PATJ: variants seen among roughly 807,000 people sequenced by gnomAD.
PATJ encodes PATJ crumbs cell polarity complex component.
PATJ carries 190 observed loss-of-function variants against 224.9 expected under a neutral mutation model. The observed-to-expected ratio is 0.84, with a 90% CI of 0.75 to 0.95. The LOEUF (loss-of-function observed/expected upper bound fraction) is 0.95, where lower values mean the gene tolerates loss of function less well. Among genes scored for constraint, PATJ ranks in the 40% least tolerant of loss-of-function variants. PATJ has a pLI of 0.00. For synonymous variants in PATJ, 769 were observed against 820.3 expected, an observed-to-expected ratio of 0.94 and a Z score of 1.07; for missense variants, 2,121 against 2,270.3, an observed-to-expected ratio of 0.93 and a Z score of 1.34.
chr1:62,144,776 A>AG (rs1558231355), intron 41 of PATJ, among the ~76,000 whole-genome samples: 2 of 95,710 alleles, frequency 2.1e-5, no homozygotes, highest in Non-Finnish European at 4.1e-5. Flanking sequence ...CAAAAAAAAA[A>AG]AATATATATA....
chr1:62,131,274 C>T (rs1258749690), intron 41 of PATJ, among the ~76,000 whole-genome samples: 2 of 152,144 alleles, frequency 1.3e-5, no homozygotes, highest in East Asian at 3.9e-4. Flanking sequence ...GCTGTGCTTG[C>T]TCATCCTTCA....
At chr1:61,899,207 A>G (rs1036885622) in intron 22 of PATJ, among the ~76,000 whole-genome samples, 27 of 152,218 alleles carry the variant, frequency 1.8e-4, no homozygotes, top group African/African-American at 6.0e-4. Context: ...TCTATGATAC[A>G]TGTTGATTTC....
intron 1 of PATJ, among the ~76,000 whole-genome samples, chr1:61,745,889 C>A (rs970088362): frequency 6.6e-6 from 1 of 151,668 alleles, no homozygotes; most frequent in African/African-American, 2.4e-5. Flanking sequence ...CAGGCGTGAA[C>A]CACCGGGCCT....
In PATJ at chr1:62,162,876, G is replaced by C. The variant is rs1669935020; in HGVS notation, c.*1822G>C. Reference sequence around the variant, plus strand: ...GCAGGAAAATTGCTTGAACCTGGGAGGTGGAGGTTGCAGTGAGCCAAGTTC... The same window carrying C: ...GCAGGAAAATTGCTTGAACCTGGGACGTGGAGGTTGCAGTGAGCCAAGTTC... On this transcript the variant is annotated 3_prime_UTR_variant, in exon 44 of 44. Transcript: ENST00000642238. 3.1e-6 allele frequency: 1 copy of C among 320,460 alleles called. No homozygotes were observed. The highest frequency in any genetic ancestry group is 2.3e-5 in the African/African-American group (1 of 43,952). The allele number at this position is 320,460 out of a possible 1,614,324, so 19.9% of individuals were successfully genotyped here. A position where few individuals can be genotyped will look rare whatever the true frequency, so the allele number is the denominator to read the frequency against.
Position 61,924,299 on chromosome 1 carries a change from CAG to C in PATJ, c.3571-3428_3571-3427del, listed in dbSNP as rs1210427642. Among the ~76,000 whole-genome samples the C allele has an allele frequency of 4.6e-5, 7 of 152,220 alleles. No homozygotes were observed. In the East Asian group the frequency reaches 1.4e-3, roughly 29 times the overall value. ...AGGAGAATTGCTTGAACCCGGGAGA[CAG>C]AGGTTACAGTGAGCTGAGATGGCAC... On this transcript the variant is annotated intron_variant, in intron 26 of 43. Coordinates refer to ENST00000642238, the MANE Select transcript of PATJ (RefSeq NM_001350145.3).
At chr1:62,130,790 G>C (rs1340209327) in intron 41 of PATJ, among the ~76,000 whole-genome samples, 2 of 152,136 alleles carry the variant, frequency 1.3e-5, no homozygotes, top group Non-Finnish European at 2.9e-5. Flanking sequence ...GGCAGAGCTT[G>C]CAGTGAGACG....
chr1:62,002,428 G>T (rs1392623186), intron 28 of PATJ, among the ~76,000 whole-genome samples: 1 of 151,966 alleles, frequency 6.6e-6, no homozygotes, highest in African/African-American at 2.4e-5. Context: ...AAAAGAGAGC[G>T]GGGCGCAGTG....
intron 33 of PATJ, among the ~76,000 whole-genome samples, chr1:62,106,079 T>TATATATACAC (rs1313613418): frequency 4.8e-5 from 1 of 20,772 alleles, no homozygotes; most frequent in Non-Finnish European, 9.1e-5. Context: ...TATATATATA[T>TATATATACAC]ACACACACAC....
At chr1:62,096,895 G>C (rs1359428399) in intron 33 of PATJ, among the ~76,000 whole-genome samples, 1 of 152,122 alleles carries the variant, frequency 6.6e-6, no homozygotes, top group Non-Finnish European at 1.5e-5. Flanking sequence ...GGGATTACAG[G>C]CGTGAGCCAC....
At chr1:62,029,668 A>T (rs1322914477) in intron 29 of PATJ, among the ~76,000 whole-genome samples, 3 of 152,228 alleles carry the variant, frequency 2.0e-5, no homozygotes, top group African/African-American at 7.2e-5. Flanking sequence ...GAGACAAGCC[A>T]CATGAGCAGT....
chr1:62,156,271 G>A (rs1558246983), intron 43 of PATJ, among the ~76,000 whole-genome samples: 1 of 151,724 alleles, frequency 6.6e-6, no homozygotes, highest in Non-Finnish European at 1.5e-5. Context: ...GCTCACGCCT[G>A]TAATCCCTAG....
At chr1:61,773,921 T>C (rs539317158) in intron 6 of PATJ, among the ~76,000 whole-genome samples, 20 of 151,294 alleles carry the variant, frequency 1.3e-4, no homozygotes, top group South Asian at 6.3e-4. Flanking sequence ...GAGATCGAGA[T>C]CATCCTGGCT....
At chr1:61,992,117 CTTT>C (rs138874624) in intron 28 of PATJ, among the ~76,000 whole-genome samples, 5 of 136,270 alleles carry the variant, frequency 3.7e-5, no homozygotes, top group Non-Finnish European at 3.2e-5. Flanking sequence ...CTGTGGGATT[CTTT>C]TTTTTTTTTT....
At chr1:62,116,455 A>G (rs992418718) in intron 35 of PATJ, 77 bp from the exon 36 acceptor site, 3 of 1,475,606 alleles carry the variant, frequency 2.0e-6, no homozygotes, top group Non-Finnish European at 2.8e-6. Flanking sequence ...ATGTGTGTGC[A>G]TCCTGTCACA....
At chr1:62,116,262 G>T (rs1664430300) in intron 35 of PATJ, among the ~76,000 whole-genome samples, 1 of 152,178 alleles carries the variant, frequency 6.6e-6, no homozygotes. Flanking sequence ...CATTGCAATA[G>T]TTAAAGAATG....
chr1:62,000,447 GT>G (rs1162547149), intron 28 of PATJ, among the ~76,000 whole-genome samples: 1 of 148,042 alleles, frequency 6.8e-6, no homozygotes. Flanking sequence ...AATATGCAGT[GT>G]TTGGTTTTTT....
chr1:62,035,260 C>G (rs372750830), intron 29 of PATJ, among the ~76,000 whole-genome samples: 1 of 152,154 alleles, frequency 6.6e-6, no homozygotes. Context: ...AAAACAGATG[C>G]GCTTGATACG....
At chr1:61,929,554 A>G (rs1419528263) in intron 27 of PATJ, among the ~76,000 whole-genome samples, 1 of 152,252 alleles carries the variant, frequency 6.6e-6, no homozygotes, top group Admixed American at 6.5e-5. Context: ...CAGTCAACAT[A>G]CTAACTTTGT....
At chr1:62,034,496 A>T (rs1342024307) in intron 29 of PATJ, among the ~76,000 whole-genome samples, 3 of 150,354 alleles carry the variant, frequency 2.0e-5, no homozygotes, top group African/African-American at 7.3e-5. Flanking sequence ...ATCATTACTT[A>T]TGAGAATCAT....
Sources: allele counts gnomAD v4.1 joint callset (sites outside exome capture counted in the v4.1 genomes callset), GRCh38; gene constraint gnomAD v4.1.1; transcripts MANE v1.5; gene names NCBI Gene and HGNC (gene_info 2026-07-23, HGNC 2026-07-21).